The following PTPN2 variants were observed in gnomAD, a reference collection of about 807,000 sequenced individuals.
PTPN2 encodes tyrosine-protein phosphatase non-receptor type 2.
PTPN2 carries 19 observed loss-of-function variants against 57.3 expected under a neutral mutation model. The ratio of observed to expected loss-of-function variants is 0.33; its 90% CI spans 0.23 to 0.49. PTPN2 has a LOEUF of 0.49. PTPN2 is among the 20% of genes least tolerant of loss of function. The pLI, the probability that PTPN2 is intolerant of heterozygous loss-of-function variation, is 0.99. For missense variants in PTPN2, 358 were observed against 501.1 expected (o/e 0.71, Z 2.73); for synonymous variants, 153 against 164.9 (o/e 0.93, Z 0.55).
chr18:12,807,306 A>T (rs1196421509), intron 7 of PTPN2, among the ~76,000 whole-genome samples: 1 of 151,980 alleles, frequency 6.6e-6, no homozygotes, highest in Non-Finnish European at 1.5e-5. Flanking sequence ...ATGTGGAGAA[A>T]GGGGAACTCT....
At chr18:12,858,562 TAA>T in intron 2 of PTPN2, among the ~76,000 whole-genome samples, 1 of 151,808 alleles carries the variant, frequency 6.6e-6, no homozygotes, top group Non-Finnish European at 1.5e-5. Flanking sequence ...TTGTTTATAA[TAA>T]AAAAAAGTTT....
intron 1 of PTPN2, among the ~76,000 whole-genome samples, chr18:12,869,914 G>C (rs927063931): frequency 1.3e-5 from 2 of 152,088 alleles, no homozygotes; most frequent in Non-Finnish European, 2.9e-5. Flanking sequence ...GAAGTATGAA[G>C]AATCTTGCAT....
downstream of PTPN2, among the ~76,000 whole-genome samples, chr18:12,790,105 T>TC (rs1291290881): frequency 7.9e-5 from 12 of 151,860 alleles, no homozygotes; most frequent in East Asian, 1.9e-4. Context: ...GCTAAATTTT[T>TC]CTTTTTTTTT....
intron 6 of PTPN2, among the ~76,000 whole-genome samples, chr18:12,815,407 T>C (rs1340051889): frequency 2.6e-5 from 4 of 151,264 alleles, no homozygotes; most frequent in East Asian, 1.9e-4. Flanking sequence ...CGAAACTTCG[T>C]CTCAAATAAA....
chr18:12,786,464 G>A (rs2040846924), intron 9 of PTPN2: 1 of 152,102 alleles, frequency 6.6e-6, no homozygotes, highest in Non-Finnish European at 1.5e-5. Flanking sequence ...ATAATTGACA[G>A]ATTTATTGTA....
chr18:12,796,553 G>A (rs2041197898), intron 8 of PTPN2, among the ~76,000 whole-genome samples: 1 of 152,138 alleles, frequency 6.6e-6, no homozygotes, highest in African/African-American at 2.4e-5. Context: ...TGGTTCAGCT[G>A]CCACAGAAAA....
At chr18:12,835,316 G>A (rs1038865390) in intron 3 of PTPN2, among the ~76,000 whole-genome samples, 3 of 149,210 alleles carry the variant, frequency 2.0e-5, no homozygotes, top group Non-Finnish European at 3.0e-5. Flanking sequence ...TATTTAACCA[G>A]TCCCTTACAG....
At chr18:12,819,245 A>G in intron 5 of PTPN2, 1 of 1,459,340 alleles carries the variant, frequency 6.9e-7, no homozygotes, top group Non-Finnish European at 9.1e-7. Flanking sequence ...CAGCATTAAT[A>G]ATTTCAAATA....
chr18:12,873,238 G>GCCTCTC (rs1185357765), intron 1 of PTPN2, among the ~76,000 whole-genome samples: 1 of 142,066 alleles, frequency 7.0e-6, no homozygotes, highest in Non-Finnish European at 1.5e-5. Context: ...AAAAAAAAAA[G>GCCTCTC]CCTCTCCCTC....
intron 7 of PTPN2, among the ~76,000 whole-genome samples, chr18:12,803,743 T>G (rs74723071): frequency 0.098 from 14,870 of 152,136 alleles, 988 homozygotes; most frequent in Non-Finnish European, 0.15. Context: ...TATTATTACA[T>G]CTAAAGGGAG....
rs112090951 is a variant in PTPN2 at position 12,843,328 on chromosome 18, C to T, written c.161-6437G>A. Among the ~76,000 whole-genome samples, 662 of 152,254 alleles carry T rather than the reference C, an allele frequency of 4.3e-3. 11 individuals carry two copies. Among genetic ancestry groups the T allele is most frequent in the African/African-American group, 0.015 (632 of 41,528 alleles). Reference sequence around the variant, plus strand: ...TCACTGACAAACCCTCCTTAATACCCTAAGAGGGTATTAAAGTACAAAATT... The same window carrying T: ...TCACTGACAAACCCTCCTTAATACCTTAAGAGGGTATTAAAGTACAAAATT... On this transcript the variant is annotated intron_variant, in intron 2 of 8. Coordinates refer to ENST00000309660, the MANE Select transcript of PTPN2 (RefSeq NM_002828.4).
At chr18:12,809,707 A>C (rs1017181772) in intron 7 of PTPN2, among the ~76,000 whole-genome samples, 1 of 152,192 alleles carries the variant, frequency 6.6e-6, no homozygotes, top group African/African-American at 2.4e-5. Context: ...TAACATTGCA[A>C]CTTAAAGTTT....
chr18:12,817,448 T>G (rs557376385), intron 5 of PTPN2, 83 bp from the exon 6 acceptor site: 2 of 1,074,432 alleles, frequency 1.9e-6, no homozygotes, highest in Admixed American at 4.6e-5. Flanking sequence ...GTGTTTTATA[T>G]AATTCTTTAA....
intron 1 of PTPN2, among the ~76,000 whole-genome samples, chr18:12,870,510 G>GC (rs758638942): frequency 1.8e-5 from 1 of 54,404 alleles, no homozygotes; most frequent in Non-Finnish European, 3.1e-5. Context: ...AAAGCGTGTT[G>GC]TTTTTTTTTT....
rs2041602795 is a variant in PTPN2, at chr18:12,805,352, G to C, written c.859-3201C>G. Among the ~76,000 whole-genome samples the C allele has an allele frequency of 2.0e-5, 3 of 151,806 alleles. No homozygotes were observed. The South Asian group carries it at 6.2e-4, about 32-fold the overall frequency. ...CATGCCTGTAATCCCAGCCACTCAG[G>C]TGGCTGAGGCATGAGAATCGCTTGA... On this transcript the variant is annotated intron_variant, in intron 7 of 8. Coordinates refer to ENST00000309660, the MANE Select transcript of PTPN2 (RefSeq NM_002828.4).
chr18:12,870,450 TATATATATATATAG>T (rs2044211956), intron 1 of PTPN2, among the ~76,000 whole-genome samples: 1 of 34,408 alleles, frequency 2.9e-5, no homozygotes, highest in East Asian at 1.7e-3. Context: ...TGTATATATA[TATATATATATATAG>T]AGAGAGAGAG....
chr18:12,884,192 C>T lies in PTPN2; in HGVS notation c.-51G>A, dbSNP rs781736351. ...CAGAGCCTGCGCCGGCGGAGAGGCT[C>T]AGGCCCCGCACGATCCGGGGAGAGC... is the stretch of plus-strand genomic sequence containing the variant. On this transcript the variant is annotated 5_prime_UTR_variant, in exon 1 of 9. It removes the in-frame stop codon of an upstream open reading frame in the 5' UTR. Transcript: ENST00000309660. 1.4e-5 allele frequency: 20 copies of T among 1,477,638 alleles called. No homozygotes were observed. The highest frequency in any genetic ancestry group is 1.7e-5 in the Non-Finnish European group (19 of 1,092,446). The allele number at this position is 1,477,638 out of a possible 1,614,324, so 91.5% of individuals were successfully genotyped here. A position where few individuals can be genotyped will look rare whatever the true frequency, so the allele number is the denominator to read the frequency against.
chr18:12,883,691 G>C (rs1157996856), intron 1 of PTPN2: 1 of 174,608 alleles, frequency 5.7e-6, no homozygotes, highest in African/African-American at 2.4e-5. Flanking sequence ...TGGGAGCTAC[G>C]GCGAAGCTGC....
intron 1 of PTPN2, among the ~76,000 whole-genome samples, chr18:12,875,899 A>C (rs2044470957): frequency 6.6e-6 from 1 of 152,208 alleles, no homozygotes; most frequent in South Asian, 2.1e-4. Context: ...CAGAGTAACT[A>C]TCTGGAAAAA....
Sources: gnomAD v4.1 joint callset for allele counts (sites outside exome capture counted in the v4.1 genomes callset) on GRCh38, gnomAD v4.1.1 for gene constraint, MANE v1.5 for transcripts, NCBI Gene and HGNC (gene_info 2026-07-23, HGNC 2026-07-21) for gene names.